ELMO1: variants seen among roughly 807,000 people sequenced by gnomAD.
The protein encoded by ELMO1 is engulfment and cell motility 1, also known as engulfment and cell motility protein 1.
ELMO1 carries 26 observed loss-of-function variants against 98.9 expected under a neutral mutation model. That is an observed-to-expected ratio of 0.26 (90% CI 0.19 to 0.36). ELMO1 has a LOEUF of 0.36. ELMO1 is among the 10% of genes least tolerant of loss of function. ELMO1 has a pLI of 1.00. For missense variants in ELMO1, 627 were observed against 935.2 expected (o/e 0.67, Z 4.30); for synonymous variants, 346 against 346.0 (o/e 1.00, Z 0.00).
chr7:37,208,519 G>T (rs1792767492), intron 13 of ELMO1, among the ~76,000 whole-genome samples: 1 of 152,200 alleles, frequency 6.6e-6, no homozygotes, highest in African/African-American at 2.4e-5. Context: ...GTTCAGTAAG[G>T]AGTTTAACAG....
At chr7:37,114,265 GA>G (rs2129279777) in intron 14 of ELMO1, among the ~76,000 whole-genome samples, 1 of 152,316 alleles carries the variant, frequency 6.6e-6, no homozygotes, top group South Asian at 2.1e-4. Flanking sequence ...ATATCAATCA[GA>G]GGCTGTTACA....
intron 16 of ELMO1, among the ~76,000 whole-genome samples, chr7:36,946,744 CT>C (rs1254518104): frequency 6.6e-6 from 1 of 152,152 alleles, no homozygotes; most frequent in African/African-American, 2.4e-5. Context: ...TCCTGCCTGT[CT>C]CTTAAATGCA....
intron 1 of ELMO1, among the ~76,000 whole-genome samples, chr7:37,441,590 C>T (rs2048837287): frequency 1.3e-5 from 2 of 152,178 alleles, no homozygotes; most frequent in African/African-American, 2.4e-5. Context: ...GTGACAAAGG[C>T]CTCTGAACAA....
At chr7:37,398,319 A>G (rs956602509) in intron 1 of ELMO1, among the ~76,000 whole-genome samples, 3 of 152,198 alleles carry the variant, frequency 2.0e-5, no homozygotes, top group Admixed American at 6.5e-5. Context: ...TCCTATCTTC[A>G]AAAACATCAA....
intron 2 of ELMO1, among the ~76,000 whole-genome samples, chr7:37,325,205 T>G (rs991631281): frequency 9.9e-5 from 15 of 152,244 alleles, no homozygotes; most frequent in African/African-American, 3.6e-4. Flanking sequence ...ATGCTGCCTT[T>G]GGCACTTGCC....
chr7:37,115,284 G>T (rs940078545), intron 14 of ELMO1, among the ~76,000 whole-genome samples: 4 of 151,794 alleles, frequency 2.6e-5, no homozygotes, highest in Admixed American at 2.6e-4. Context: ...CAAAACCAAA[G>T]GCATAAGAAA....
chr7:37,165,740 A>T (rs1363482733), intron 13 of ELMO1, among the ~76,000 whole-genome samples: 1 of 152,142 alleles, frequency 6.6e-6, no homozygotes. Context: ...TCGGTTTACC[A>T]GTATTTTATT....
chr7:37,370,758 A>C (rs1368019322), intron 1 of ELMO1, among the ~76,000 whole-genome samples: 1 of 152,192 alleles, frequency 6.6e-6, no homozygotes, highest in Non-Finnish European at 1.5e-5. Context: ...ATAATCTGAC[A>C]GCCCCCAAGT....
intron 4 of ELMO1, among the ~76,000 whole-genome samples, chr7:37,297,344 T>C (rs1345730712): frequency 6.6e-6 from 1 of 152,172 alleles, no homozygotes; most frequent in East Asian, 1.9e-4. Flanking sequence ...TAAAAGATCT[T>C]ATTTCAGTTC....
intron 1 of ELMO1, among the ~76,000 whole-genome samples, chr7:37,433,237 T>A (rs989273926): frequency 6.6e-6 from 1 of 152,194 alleles, no homozygotes; most frequent in Non-Finnish European, 1.5e-5. Context: ...CTCACATACA[T>A]GGAAAATAGT....
chr7:36,901,854 G>A (rs73338253), intron 16 of ELMO1, among the ~76,000 whole-genome samples: 314 of 152,298 alleles, frequency 2.1e-3, no homozygotes, highest in African/African-American at 7.0e-3. Flanking sequence ...TTCACAAGAT[G>A]ACTCTGGGTG....
intron 1 of ELMO1, among the ~76,000 whole-genome samples, chr7:37,444,452 A>C (rs966375120): frequency 2.6e-5 from 4 of 152,200 alleles, no homozygotes; most frequent in African/African-American, 9.7e-5. Flanking sequence ...ATGTCACTTG[A>C]GTTTCTAGTT....
chr7:37,032,290 G>A (rs573438966), intron 15 of ELMO1, among the ~76,000 whole-genome samples: 25 of 152,216 alleles, frequency 1.6e-4, no homozygotes, highest in Admixed American at 5.2e-4. Flanking sequence ...AAAACACAGG[G>A]GGCAGCCTGA....
chr7:37,296,664 ATAT>A, intron 4 of ELMO1, among the ~76,000 whole-genome samples: 1 of 106 alleles, frequency 9.4e-3, no homozygotes, highest in East Asian at 0.17. Context: ...TCCACTTACC[ATAT>A]CATACACAAG....
At chr7:37,159,127 G>A (rs367587102) in intron 13 of ELMO1, among the ~76,000 whole-genome samples, 10 of 152,226 alleles carry the variant, frequency 6.6e-5, no homozygotes, top group African/African-American at 2.2e-4. Flanking sequence ...ACACAGGGAG[G>A]GGAACATCAC....
chr7:37,423,445 C>T (rs12667548), intron 1 of ELMO1, among the ~76,000 whole-genome samples: 36,097 of 151,934 alleles, frequency 0.24, 4,900 homozygotes, highest in South Asian at 0.32. Context: ...CCAGGCGCAG[C>T]GGTGGCTGCC....
At chr7:37,135,192 C>G (rs1314542450) in intron 13 of ELMO1, among the ~76,000 whole-genome samples, 2 of 152,174 alleles carry the variant, frequency 1.3e-5, no homozygotes, top group African/African-American at 2.4e-5. Context: ...CCATTAATTA[C>G]TGAAAACAAT....
intron 21 of ELMO1, 31 bp downstream of exon 21, chr7:36,861,628 T>C: frequency 1.3e-6 from 2 of 1,595,732 alleles, no homozygotes; most frequent in Non-Finnish European, 1.7e-6. Context: ...GATAACATTA[T>C]CTCATAAATT....
At chr7:37,010,621 A>C (rs1793478251) in intron 16 of ELMO1, among the ~76,000 whole-genome samples, 1 of 152,242 alleles carries the variant, frequency 6.6e-6, no homozygotes, top group South Asian at 2.1e-4. Flanking sequence ...GAAAAAGGCA[A>C]GGAAACAAAT....
Sources: gnomAD v4.1 joint callset for allele counts (sites outside exome capture counted in the v4.1 genomes callset) on GRCh38, gnomAD v4.1.1 for gene constraint, MANE v1.5 for transcripts, NCBI Gene and HGNC (gene_info 2026-07-23, HGNC 2026-07-21) for gene names.